The following NUMB variants were observed in gnomAD, a reference collection of about 807,000 sequenced individuals.
NUMB encodes protein numb homolog.
A neutral mutation model predicts 59.7 loss-of-function variants in NUMB; 29 were observed. That is an observed-to-expected ratio of 0.49 (90% CI 0.36 to 0.66). The LOEUF is 0.66. Among genes scored for constraint, NUMB ranks in the 30% least tolerant of loss-of-function variants. The pLI, the probability that NUMB is intolerant of heterozygous loss-of-function variation, is 0.00. For synonymous variants in NUMB, 288 were observed against 288.2 expected (o/e 1.00, Z 0.01); for missense variants, 723 against 822.0 (o/e 0.88, Z 1.47).
At chr14:73,343,772 A>ATTTAGCCC (rs369258677) in intron 4 of NUMB, among the ~76,000 whole-genome samples, 7 of 152,186 alleles carry the variant, frequency 4.6e-5, no homozygotes, top group African/African-American at 1.7e-4. Context: ...GATATCAAAA[A>ATTTAGCCC]GGAGATAGTC....
At chr14:73,403,362 T>C (rs920381879) in intron 2 of NUMB, among the ~76,000 whole-genome samples, 1 of 152,204 alleles carries the variant, frequency 6.6e-6, no homozygotes, top group African/African-American at 2.4e-5. Context: ...TATATCACCA[T>C]ATCAGAAACT....
chr14:73,384,734 TTTTGTTTG>T (rs111381820), intron 2 of NUMB, among the ~76,000 whole-genome samples: 17 of 133,210 alleles, frequency 1.3e-4, no homozygotes, highest in Admixed American at 7.6e-4. Context: ...CGCCTGGCTT[TTTTGTTTG>T]TTTGTTTGTT....
intron 1 of NUMB, among the ~76,000 whole-genome samples, chr14:73,437,039 CTCTTT>C (rs1566796739): frequency 3.8e-5 from 5 of 133,166 alleles, no homozygotes; most frequent in Non-Finnish European, 3.2e-5. Context: ...TTTTTTCTCT[CTCTTT>C]TTTTTTTTTT....
At chr14:73,298,069 A>C (rs576591691) in intron 6 of NUMB, 6 of 152,106 alleles carry the variant, frequency 3.9e-5, no homozygotes, top group African/African-American at 1.4e-4. Flanking sequence ...TTGTATTTCT[A>C]GTAGAGACGG....
intron 4 of NUMB, among the ~76,000 whole-genome samples, chr14:73,337,103 C>T (rs1892364108): frequency 6.6e-6 from 1 of 151,074 alleles, no homozygotes; most frequent in Non-Finnish European, 1.5e-5. Context: ...GTGGTGGTGC[C>T]TGCCTGTCTC....
chr14:73,432,553 T>C (rs1446915430), intron 1 of NUMB, among the ~76,000 whole-genome samples: 1 of 152,064 alleles, frequency 6.6e-6, no homozygotes, highest in Non-Finnish European at 1.5e-5. Flanking sequence ...TATCACTTTA[T>C]AAAAAGAGAA....
chr14:73,288,746 C>T (rs1889186284), intron 8 of NUMB, among the ~76,000 whole-genome samples: 1 of 151,828 alleles, frequency 6.6e-6, no homozygotes, highest in Admixed American at 6.6e-5. Context: ...GTAATCCCAG[C>T]TACTCGGGAG....
rs576335614 is a variant in NUMB at position 73,400,898 on chromosome 14, T to C, written c.-101+9039A>G. Among the ~76,000 whole-genome samples, 8 of 152,290 alleles carry C rather than the reference T, an allele frequency of 5.3e-5. No homozygotes were observed. In the East Asian group the frequency reaches 1.5e-3, roughly 29 times the overall value. On this transcript the variant is annotated intron_variant, in intron 2 of 12. Transcript: ENST00000555238. ...CCATCTGTCTCCTTTGTAATACCCT[T>C]TATGATAACCCAATAAATGTAAATG...
At chr14:73,370,192 G>A (rs1287307565) in intron 2 of NUMB, among the ~76,000 whole-genome samples, 2 of 151,984 alleles carry the variant, frequency 1.3e-5, no homozygotes, top group Non-Finnish European at 2.9e-5. Context: ...TAGGATTAAT[G>A]GATTAACACC....
At position 73,276,800 on chromosome 14, in the gene NUMB, A is replaced by C; in HGVS notation, c.1734T>G (p.Pro578=). 1 of 1,614,158 alleles carries C rather than the reference A, an allele frequency of 6.2e-7. No homozygotes were observed. The highest frequency in any genetic ancestry group is 1.1e-5 in the South Asian group (1 of 91,088). ...CAGAACCGTTGAGGTGCTGAGCAGG[A>C]GGCTTAAAGAAGGGACTGGTGGTAG... is the stretch of plus-strand genomic sequence containing the variant. The part of the protein sequence containing the change: ...SSATTSPFFK[P]PAQHLNGSAA... Residue 578 remains proline (P), a synonymous_variant, in exon 13 of 13, where the codon CCT becomes CCG. Coordinates refer to ENST00000555238, the MANE Select transcript of NUMB (RefSeq NM_001005743.2).
intron 4 of NUMB, among the ~76,000 whole-genome samples, chr14:73,329,757 A>C (rs1262893585): frequency 6.6e-6 from 1 of 152,210 alleles, no homozygotes; most frequent in East Asian, 1.9e-4. Context: ...TTTGACTCTC[A>C]GCTCACTGCA....
intron 1 of NUMB, among the ~76,000 whole-genome samples, chr14:73,417,286 A>T (rs12323681): frequency 0.088 from 13,432 of 152,138 alleles, 1,192 homozygotes; most frequent in African/African-American, 0.21. Context: ...ACACTTAGCC[A>T]TCTGTAGATG....
At chr14:73,394,781 A>G (rs573263399) in intron 2 of NUMB, among the ~76,000 whole-genome samples, 3 of 152,228 alleles carry the variant, frequency 2.0e-5, no homozygotes, top group Non-Finnish European at 4.4e-5. Context: ...ATCATGAAGT[A>G]TTTGTCTGTC....
chr14:73,288,691 C>T (rs1271784213), intron 8 of NUMB, among the ~76,000 whole-genome samples: 2 of 152,020 alleles, frequency 1.3e-5, no homozygotes, highest in Admixed American at 6.6e-5. Flanking sequence ...GAAACCCTGT[C>T]TCTACTAAAA....
intron 1 of NUMB, among the ~76,000 whole-genome samples, chr14:73,422,226 G>A (rs1257052408): frequency 6.6e-6 from 1 of 152,022 alleles, no homozygotes; most frequent in African/African-American, 2.4e-5. Context: ...CTCATACCTT[G>A]TGGGATGTCA....
chr14:73,440,090 TA>T (rs1882912667), intron 1 of NUMB, among the ~76,000 whole-genome samples: 1 of 152,016 alleles, frequency 6.6e-6, no homozygotes, highest in Admixed American at 6.6e-5. Context: ...AACAAATTGC[TA>T]TTGGAAAAAT....
chr14:73,389,078 G>A (rs548894483), intron 2 of NUMB, among the ~76,000 whole-genome samples: 3 of 137,958 alleles, frequency 2.2e-5, no homozygotes, highest in African/African-American at 8.1e-5. Context: ...CAGCCTAGGC[G>A]ACAGAGCAAG....
intron 5 of NUMB, among the ~76,000 whole-genome samples, 181 bp from the exon 6 acceptor site, chr14:73,316,603 T>C (rs1018431431): frequency 3.3e-5 from 5 of 152,030 alleles, no homozygotes; most frequent in Admixed American, 6.5e-5. Flanking sequence ...TGCATGAAAA[T>C]GCAGGGAAAC....
intron 2 of NUMB, among the ~76,000 whole-genome samples, chr14:73,376,233 GTCAA>G (rs1457818906): frequency 2.6e-5 from 4 of 152,196 alleles, no homozygotes; most frequent in Non-Finnish European, 4.4e-5. Flanking sequence ...ATATATAAAA[GTCAA>G]TCACTTTCCT....
Sources: allele counts gnomAD v4.1 joint callset (sites outside exome capture counted in the v4.1 genomes callset), GRCh38; gene constraint gnomAD v4.1.1; transcripts MANE v1.5; gene names NCBI Gene and HGNC (gene_info 2026-07-23, HGNC 2026-07-21).